The following RBMS3 variants were observed in gnomAD, a reference collection of about 807,000 sequenced individuals.
RBMS3 encodes the protein RNA-binding motif, single-stranded-interacting protein 3.
In RBMS3, 27 loss-of-function variants were observed where a neutral mutation model predicts 66.8. The ratio of observed to expected loss-of-function variants is 0.40; its 90% CI spans 0.30 to 0.56. The LOEUF is 0.56. RBMS3 is among the 20% of genes least tolerant of loss of function. RBMS3 has a pLI of 0.40. For missense variants in RBMS3, 513 were observed against 549.5 expected (o/e 0.93, Z 0.66); for synonymous variants, 188 against 183.0 (o/e 1.03, Z -0.22).
At chr3:29,491,460 A>G (rs943072148) in intron 3 of RBMS3, among the ~76,000 whole-genome samples, 3 of 152,222 alleles carry the variant, frequency 2.0e-5, no homozygotes, top group Non-Finnish European at 2.9e-5. Flanking sequence ...TTTTGTGAAC[A>G]TTACATATTA....
At chr3:29,643,802 G>T (rs2049815952) in intron 4 of RBMS3, among the ~76,000 whole-genome samples, 1 of 152,152 alleles carries the variant, frequency 6.6e-6, no homozygotes, top group Admixed American at 6.6e-5. Context: ...ATGTCAAGCT[G>T]TAGGTAATAT....
intron 4 of RBMS3, among the ~76,000 whole-genome samples, chr3:29,712,311 T>A (rs1001304102): frequency 5.3e-5 from 8 of 151,876 alleles, no homozygotes; most frequent in African/African-American, 1.9e-4. Flanking sequence ...TTAATTTTTA[T>A]TTATTATTAT....
chr3:29,630,259 C>T lies in RBMS3; in HGVS notation c.399+43054C>T, dbSNP rs9813664. 3.0e-3 allele frequency among the ~76,000 whole-genome samples: 460 copies of T among 151,958 alleles called. 1 individual carries two copies. The highest frequency in any genetic ancestry group is 0.01 in the African/African-American group (418 of 41,484). On this transcript the variant is annotated intron_variant, in intron 4 of 14. Coordinates refer to ENST00000383767, the MANE Select transcript of RBMS3 (RefSeq NM_001003793.3). ...ACTCAGTTTTGTTTTTTAATTCTGT[C>T]GTACAGCATAGAAAAGCTGGTGAAT...
rs200535933 is a variant in RBMS3 at position 29,368,616 on chromosome 3, A to AT, written c.76-66120dup. Among the ~76,000 whole-genome samples the AT allele has an allele frequency of 4.4e-3, 676 of 152,044 alleles. 4 individuals are homozygous for AT. The highest frequency in any genetic ancestry group is 0.015 in the African/African-American group (620 of 41,450). ...TTTAAATAGAATGAAGAAAAATGAGATTTTTTTAGATTTTTTGAGTTTGTG... is the reference window on the plus strand; with the variant it reads ...TTTAAATAGAATGAAGAAAAATGAGATTTTTTTTAGATTTTTTGAGTTTGTG... On this transcript the variant is annotated intron_variant, in intron 1 of 14. Transcript: ENST00000383767.
intron 1 of RBMS3, among the ~76,000 whole-genome samples, chr3:29,403,531 G>A (rs2039895506): frequency 2.0e-5 from 3 of 152,026 alleles, no homozygotes; most frequent in Admixed American, 6.6e-5. Context: ...TGTAAGAACA[G>A]CACCTCCAAC....
chr3:29,475,866 C>T (rs995160801), intron 2 of RBMS3, among the ~76,000 whole-genome samples: 9 of 151,892 alleles, frequency 5.9e-5, no homozygotes, highest in Admixed American at 2.0e-4. Context: ...TATATTTAAG[C>T]TTATTAAAAA....
At chr3:29,375,151 G>A (rs2038402755) in intron 1 of RBMS3, among the ~76,000 whole-genome samples, 1 of 152,142 alleles carries the variant, frequency 6.6e-6, no homozygotes, top group African/African-American at 2.4e-5. Context: ...AAACTGGCTG[G>A]CTATATATAG....
chr3:29,701,358 A>G (rs927888261), intron 4 of RBMS3, among the ~76,000 whole-genome samples: 1 of 152,202 alleles, frequency 6.6e-6, no homozygotes, highest in East Asian at 1.9e-4. Context: ...AGAATGTAAG[A>G]GCTCACTCAC....
chr3:29,741,667 A>G (rs990438856), intron 5 of RBMS3, among the ~76,000 whole-genome samples: 7 of 152,246 alleles, frequency 4.6e-5, no homozygotes, highest in Admixed American at 4.6e-4. Context: ...TGTTCGTACA[A>G]AGTATATTAG....
At chr3:29,646,124 C>A (rs1413361792) in intron 4 of RBMS3, among the ~76,000 whole-genome samples, 3 of 152,190 alleles carry the variant, frequency 2.0e-5, no homozygotes, top group Non-Finnish European at 2.9e-5. Flanking sequence ...AATTTAAATT[C>A]ATTCACATTA....
chr3:29,470,559 T>G (rs1008079411), intron 2 of RBMS3, among the ~76,000 whole-genome samples: 3 of 152,060 alleles, frequency 2.0e-5, no homozygotes, highest in Admixed American at 6.6e-5. Context: ...TTCTGATTTT[T>G]TTTTCTAGAA....
intron 12 of RBMS3, among the ~76,000 whole-genome samples, chr3:29,983,136 G>T (rs1234700126): frequency 6.6e-6 from 1 of 151,890 alleles, no homozygotes; most frequent in Non-Finnish European, 1.5e-5. Context: ...TCTTCTTGTT[G>T]TATTGATCCC....
chr3:29,669,019 T>C (rs993988560), intron 4 of RBMS3, among the ~76,000 whole-genome samples: 10 of 152,206 alleles, frequency 6.6e-5, no homozygotes, highest in African/African-American at 2.4e-4. Context: ...AGTGTTGGTT[T>C]CTTCTGGCTC....
At chr3:29,864,851 A>AGGGAAG (rs1158688304) in intron 6 of RBMS3, among the ~76,000 whole-genome samples, 2 of 135,938 alleles carry the variant, frequency 1.5e-5, no homozygotes, top group East Asian at 2.6e-4. Context: ...GGGAAGGGAA[A>AGGGAAG]GGGAAGGGGA....
At chr3:29,507,944 C>A (rs1447132002) in intron 3 of RBMS3, among the ~76,000 whole-genome samples, 1 of 151,794 alleles carries the variant, frequency 6.6e-6, no homozygotes, top group East Asian at 1.9e-4. Flanking sequence ...AGTATTAGCA[C>A]AATTTAGCAA....
At chr3:29,715,149 A>C (rs2053337620) in intron 4 of RBMS3, among the ~76,000 whole-genome samples, 1 of 152,096 alleles carries the variant, frequency 6.6e-6, no homozygotes. Context: ...TCCTTTATGA[A>C]TTGTAAAATA....
At chr3:29,635,223 C>G (rs1026032187) in intron 4 of RBMS3, among the ~76,000 whole-genome samples, 3 of 151,764 alleles carry the variant, frequency 2.0e-5, no homozygotes, top group African/African-American at 7.3e-5. Flanking sequence ...CTTTTAGATA[C>G]CACTACCTAC....
chr3:29,628,959 T>C (rs1681414069), intron 4 of RBMS3, among the ~76,000 whole-genome samples: 1 of 152,086 alleles, frequency 6.6e-6, no homozygotes. Context: ...AAGACCATCG[T>C]TGACACAGCA....
At chr3:29,283,037 C>G (rs571189981) in intron 1 of RBMS3, among the ~76,000 whole-genome samples, 10 of 152,128 alleles carry the variant, frequency 6.6e-5, no homozygotes, top group Non-Finnish European at 1.0e-4. Context: ...CTTAAATAGA[C>G]TAGCCCTCCT....
Sources: allele counts gnomAD v4.1 joint callset (sites outside exome capture counted in the v4.1 genomes callset), GRCh38; gene constraint gnomAD v4.1.1; transcripts MANE v1.5; gene names NCBI Gene and HGNC (gene_info 2026-07-23, HGNC 2026-07-21).